The following GFRA3 variants were observed in gnomAD, a reference collection of about 807,000 sequenced individuals.
The protein encoded by GFRA3 is GDNF family receptor alpha-3.
Under a neutral mutation model 40.0 loss-of-function variants are expected in GFRA3, and 24 were observed. The ratio of observed to expected loss-of-function variants is 0.60; its 90% CI spans 0.43 to 0.84. The LOEUF is 0.84. Ranked by LOEUF, GFRA3 falls within the 40% of genes least tolerant of loss-of-function variation. The pLI is 0.00. For synonymous variants in GFRA3, 203 were observed against 213.5 expected (o/e 0.95, Z 0.43); for missense variants, 405 against 530.6 (o/e 0.76, Z 2.33).
chr5:138,255,767 T>C (rs575371742), intron 4 of GFRA3, among the ~76,000 whole-genome samples: 2 of 151,574 alleles, frequency 1.3e-5, no homozygotes, highest in Admixed American at 6.6e-5. Flanking sequence ...GGCACTGTGG[T>C]GTGCACTTAT....
Position 138,253,868 on chromosome 5 carries a change from C to T in GFRA3, c.922G>A (p.Val308Ile), listed in dbSNP as rs1755587274. The T allele has an allele frequency of 6.2e-7, 1 of 1,614,096 alleles. No homozygotes were observed. The highest frequency in any genetic ancestry group is 8.5e-7 in the Non-Finnish European group (1 of 1,179,980). The change falls in exon 6 of 8, where the codon GTC becomes ATC. Residue 308 changes from valine (V) to isoleucine (I), a missense_variant. Physicochemically the swap from Val to Ile is conservative, Grantham distance 29 (BLOSUM62 3). Transcript: ENST00000274721. Reference sequence around the variant, plus strand: ...CAGCTTAAGGCAACACTGGTGTTGACATTGCTGACAAAGTTGGGGGTCATG... The same window carrying T: ...CAGCTTAAGGCAACACTGGTGTTGATATTGCTGACAAAGTTGGGGGTCATG... ...TAMTPNFVSN[V>I]NTSVALSCTC...
intron 1 of GFRA3, among the ~76,000 whole-genome samples, chr5:138,272,624 C>A (rs1755892349): frequency 6.8e-6 from 1 of 147,354 alleles, no homozygotes; most frequent in South Asian, 2.3e-4. Context: ...GCCTGGGTGA[C>A]AGATTGATAC....
intron 4 of GFRA3, among the ~76,000 whole-genome samples, chr5:138,257,072 A>G (rs1350746644): frequency 6.6e-6 from 1 of 152,194 alleles, no homozygotes; most frequent in Non-Finnish European, 1.5e-5. Flanking sequence ...AACTCTCACC[A>G]GAATCCCATG....
At chr5:138,257,099 C>T (rs910031490) in intron 4 of GFRA3, among the ~76,000 whole-genome samples, 3 of 152,140 alleles carry the variant, frequency 2.0e-5, no homozygotes, top group Non-Finnish European at 2.9e-5. Context: ...GCATTATTAT[C>T]CCAGTTTTTA....
intron 3 of GFRA3, 128 bp downstream of exon 3, chr5:138,259,429 T>C (rs1755680802): frequency 1.5e-6 from 1 of 672,844 alleles, no homozygotes. Context: ...TGACACAGTC[T>C]TCCTTAGTCA....
At chr5:138,254,283 G>T (rs758922665) in intron 4 of GFRA3, 123 bp from the exon 5 acceptor site, 3 of 652,180 alleles carry the variant, frequency 4.6e-6, no homozygotes, top group Non-Finnish European at 8.2e-6. Flanking sequence ...TGCCTCCCAG[G>T]TTCAAACAAT....
chr5:138,274,578 A>C lies in GFRA3; in HGVS notation c.-154T>G. 7.5e-6 allele frequency: 9 copies of C among 1,201,292 alleles called. No individual in the cohort carries two copies. The highest frequency in any genetic ancestry group is 4.4e-5 in the Admixed American group (1 of 22,802). 74.4% of individuals were successfully genotyped at this position (1,201,292 alleles called of 1,614,324 possible). On this transcript the variant is annotated 5_prime_UTR_variant, in exon 1 of 8. Transcript: ENST00000274721. ...CCAGGGTCCTGGGCGCCGCCCTCCA[A>C]CTCCGAAGCGCGCGTCCACACCACG...
Position 138,253,748 on chromosome 5 carries a change from C to A in GFRA3, c.1024+18G>T, listed in dbSNP as rs768408132. The A allele has an allele frequency of 1.2e-6, 2 of 1,610,746 alleles. No homozygotes were observed. Among genetic ancestry groups the A allele is most frequent in the South Asian group, 2.2e-5 (2 of 90,840 alleles). On this transcript the variant is annotated intron_variant, in intron 6 of 7. Transcript: ENST00000274721. ...CTGACTCAGCCCCAGGGGCTGGGAGCAAGTACAGCACACTCACTGAGGCAG... is the reference window on the plus strand; with the variant it reads ...CTGACTCAGCCCCAGGGGCTGGGAGAAAGTACAGCACACTCACTGAGGCAG...
chr5:138,260,090 T>A (rs1464167175), intron 2 of GFRA3, among the ~76,000 whole-genome samples: 3 of 152,108 alleles, frequency 2.0e-5, no homozygotes, highest in Non-Finnish European at 4.4e-5. Context: ...TCCAATTATT[T>A]GTTCCCCACC....
chr5:138,274,302 TA>T, intron 1 of GFRA3, 31 bp downstream of exon 1: 8 of 1,318,930 alleles, frequency 6.1e-6, no homozygotes, highest in Non-Finnish European at 7.8e-6. Context: ...CCTCCCACTG[TA>T]CCCCCGGCCG....
intron 1 of GFRA3, chr5:138,267,188 C>CT (rs56245236): frequency 0.097 from 9,796 of 101,376 alleles, 719 homozygotes; most frequent in Non-Finnish European, 0.14. Flanking sequence ...TTCTTTTATG[C>CT]TTTTTTTTTT....
Position 138,272,131 on chromosome 5 carries a change from G to A in GFRA3, c.91+2203C>T, listed in dbSNP as rs529355414. Among the ~76,000 whole-genome samples the A allele has an allele frequency of 3.1e-3, 461 of 149,754 alleles. 6 individuals carry two copies. Among genetic ancestry groups the A allele is most frequent in the Middle Eastern group, 0.014 (4 of 288 alleles). On this transcript the variant is annotated intron_variant, in intron 1 of 7. Coordinates refer to ENST00000274721, the MANE Select transcript of GFRA3 (RefSeq NM_001496.4). ...CGCCATTCTCCTGCCTCAGCCTCCCGGGTAGTTGGGACTACAGGCGCCCAC... is the reference window on the plus strand; with the variant it reads ...CGCCATTCTCCTGCCTCAGCCTCCCAGGTAGTTGGGACTACAGGCGCCCAC...
chr5:138,258,064 G>A, intron 3 of GFRA3, 113 bp from the exon 4 acceptor site: 1 of 800,206 alleles, frequency 1.2e-6, no homozygotes, highest in Admixed American at 2.1e-5. Flanking sequence ...GGATATAGGA[G>A]GAAAAGAAGG....
At chr5:138,262,685 C>T (rs1020416373) in intron 2 of GFRA3, among the ~76,000 whole-genome samples, 3 of 152,028 alleles carry the variant, frequency 2.0e-5, no homozygotes, top group Admixed American at 2.0e-4. Context: ...AACTCCTGGG[C>T]TTTAGGGATA....
At chr5:138,257,205 G>A (rs1454371686) in intron 4 of GFRA3, among the ~76,000 whole-genome samples, 3 of 152,070 alleles carry the variant, frequency 2.0e-5, no homozygotes, top group East Asian at 3.9e-4. Flanking sequence ...ATTCAAACCC[G>A]TCTGACTTCA....
intron 6 of GFRA3, 97 bp downstream of exon 6, chr5:138,253,669 G>T: frequency 8.7e-7 from 1 of 1,154,732 alleles, no homozygotes; most frequent in Non-Finnish European, 1.3e-6. Flanking sequence ...TGGTGGAGAT[G>T]GATGGAACCA....
Position 138,254,172 on chromosome 5 carries a change from G to C in GFRA3, c.786-12C>G. The C allele has an allele frequency of 6.9e-7, 1 of 1,451,724 alleles. No homozygotes were observed. The highest frequency in any genetic ancestry group is 9.7e-7 in the Non-Finnish European group (1 of 1,035,320). The allele number at this position is 1,451,724 out of a possible 1,614,324, so 89.9% of individuals were successfully genotyped here. On this transcript the variant is annotated splice_polypyrimidine_tract_variant and intron_variant, in intron 4 of 7. Transcript: ENST00000274721. ...CCACCAGGCGTGATCTGGAAGAAGG[G>C]AAATTTCTGTCTTTCTTTTTTTTTT...
intron 6 of GFRA3, 41 bp downstream of exon 6, chr5:138,253,725 G>T: frequency 3.1e-6 from 5 of 1,595,320 alleles, no homozygotes; most frequent in South Asian, 1.1e-5. Flanking sequence ...GAGTCCAGCT[G>T]ACTCAGCCCC....
chr5:138,259,774 C>T, intron 2 of GFRA3, 125 bp from the exon 3 acceptor site: 1 of 710,712 alleles, frequency 1.4e-6, no homozygotes, highest in Non-Finnish European at 2.6e-6. Flanking sequence ...CTCTACCTAA[C>T]CAGCTGCAAG....
Sources: gnomAD v4.1 joint callset for allele counts (sites outside exome capture counted in the v4.1 genomes callset) on GRCh38, gnomAD v4.1.1 for gene constraint, MANE v1.5 for transcripts, NCBI Gene and HGNC (gene_info 2026-07-23, HGNC 2026-07-21) for gene names.